Variants in TNMD observed in about 807,000 individuals in gnomAD.
TNMD encodes BRICHOS domain containing 4.
TNMD carries 15 observed loss-of-function variants against 26.9 expected under a neutral mutation model. The observed-to-expected ratio is 0.56, with a 90% CI of 0.37 to 0.86. The LOEUF (loss-of-function observed/expected upper bound fraction) is 0.86. Ranked by LOEUF, TNMD falls within the 40% of genes least tolerant of loss-of-function variation. The pLI is 0.00. For missense variants in TNMD, 222 were observed against 242.6 expected (o/e 0.92, Z 0.56); for synonymous variants, 73 against 77.0 (o/e 0.95, Z 0.27).
rs770033532 is a variant in TNMD at position 100,593,326 on chromosome X, C to T, written c.181-569C>T. On this transcript the variant is annotated intron_variant, in intron 2 of 6. Coordinates refer to ENST00000373031, the MANE Select transcript of TNMD (RefSeq NM_022144.3). ...GAATAAACTGGGTGGGGTTGGTTGC[C>T]GTATAAAGAGAAGGCTAAGGGAAGG... The T allele has an allele frequency of 3.6e-5, 27 of 750,435 alleles. No individual in the cohort carries two copies. The African/African-American group carries it at 4.4e-4, about 12-fold the overall frequency. The allele number at this position is 750,435 out of a possible 1,213,427, so 61.8% of individuals were successfully genotyped here. A position where few individuals can be genotyped will look rare whatever the true frequency, so the allele number is the denominator to read the frequency against.
intron 4 of TNMD, among the ~76,000 whole-genome samples, chrX:100,594,954 C>T (rs1021800487): frequency 8.9e-6 from 1 of 111,933 alleles, no homozygotes; most frequent in African/African-American, 3.2e-5. Context: ...TGAAAACACC[C>T]TGCTAGACCA....
chrX:100,596,613 G>A (rs2082953697), intron 4 of TNMD, among the ~76,000 whole-genome samples: 2 of 110,754 alleles, frequency 1.8e-5, no homozygotes, highest in African/African-American at 3.3e-5. Flanking sequence ...ATGCAGAGCA[G>A]GTATATAAAT....
chrX:100,589,106 A>T (rs184125596), intron 2 of TNMD, among the ~76,000 whole-genome samples: 2 of 111,183 alleles, frequency 1.8e-5, no homozygotes, highest in African/African-American at 6.5e-5. Context: ...TGATTGCAAC[A>T]TTTTGTGCGT....
chrX:100,592,174 C>A (rs763510604), intron 2 of TNMD, among the ~76,000 whole-genome samples: 2 of 111,810 alleles, frequency 1.8e-5, no homozygotes, highest in East Asian at 2.8e-4. Context: ...CAAAATTCCC[C>A]CGTTGGGAGA....
intron 2 of TNMD, chrX:100,593,554 T>A: frequency 4.9e-6 from 1 of 204,529 alleles, no homozygotes; most frequent in Non-Finnish European, 7.4e-6. Context: ...TAAGCCCTAA[T>A]GAATTTCACG....
chrX:100,593,698 G>A (rs1314234657), intron 2 of TNMD, 197 bp from the exon 3 acceptor site: 4 of 384,765 alleles, frequency 1.0e-5, no homozygotes, highest in Non-Finnish European at 1.7e-5. Flanking sequence ...TTATAGGCTG[G>A]TTTGCAAACT....
intron 2 of TNMD, chrX:100,593,214 C>T (rs1174841964): frequency 6.0e-6 from 2 of 334,340 alleles, no homozygotes; most frequent in African/African-American, 2.9e-5. Context: ...ATGCAGGACA[C>T]TTGGCTCAGT....
At position 100,595,423 on chromosome X, in the gene TNMD, G is replaced by A. The variant is rs530952195; in HGVS notation, c.423+1061G>A. Among the ~76,000 whole-genome samples, 10 of 107,819 alleles carry A rather than the reference G, an allele frequency of 9.3e-5. No individual in the cohort carries two copies. The South Asian group carries it at 4.2e-3, about 45-fold the overall frequency. 93.6% of individuals were successfully genotyped at this position (107,819 alleles called of 115,157 possible). A position where few individuals can be genotyped will look rare whatever the true frequency, so the allele number is the denominator to read the frequency against. ...AGCCACCGCGCCCAGCCATGGCAGAGTGATCTTTCTATAAACTATAAAAAC... is the reference window on the plus strand; with the variant it reads ...AGCCACCGCGCCCAGCCATGGCAGAATGATCTTTCTATAAACTATAAAAAC... On this transcript the variant is annotated intron_variant, in intron 4 of 6. Coordinates refer to ENST00000373031, the MANE Select transcript of TNMD (RefSeq NM_022144.3).
rs777376699 is a variant in TNMD, at chrX:100,599,572, G to A, written c.809G>A (p.Arg270His). 7.4e-6 allele frequency: 9 copies of A among 1,210,259 alleles called. No homozygotes were observed. Among genetic ancestry groups the A allele is most frequent in the East Asian group, 5.9e-5 (2 of 33,792 alleles). Reference protein sequence around the residue: ...DERGYCCIYCRRGNRYCRRVC... With the variant: ...DERGYCCIYCHRGNRYCRRVC... The stretch of plus-strand genomic sequence containing the variant: ...AGAGGTTATTGTTGTATTTACTGCC[G>A]TCGAGGCAACCGCTATTGCCGCCGC... Residue 270 changes from arginine (R) to histidine (H), a missense_variant, in exon 7 of 7, where the codon CGT becomes CAT. Arg to His is a conservative substitution (Grantham distance 29, BLOSUM62 0). Transcript: ENST00000373031.
rs866782958 is a variant in TNMD, at chrX:100,599,085, T to C, written c.647T>C (p.Ile216Thr). Residue 216 changes from isoleucine to threonine, a missense_variant, in exon 6 of 7, where the codon ATT becomes ACT. Ile to Thr is a moderately conservative substitution (Grantham distance 89). Transcript: ENST00000373031. ...LHFPANEKKGIEQNEQWVVPQ... is the reference protein window; with the variant it reads ...LHFPANEKKGTEQNEQWVVPQ... The stretch of plus-strand genomic sequence containing the variant: ...TTTCCTGCCAACGAAAAAAAAGGGA[T>C]TGAACAAAATGAACAGTGGGTGGTC... 7 of 1,203,807 alleles carry C rather than the reference T, an allele frequency of 5.8e-6. No individual in the cohort carries two copies. In the African/African-American group the frequency reaches 1.1e-4, roughly 18 times the overall value.
intron 2 of TNMD, among the ~76,000 whole-genome samples, chrX:100,588,831 C>T (rs1472943483): frequency 4.5e-5 from 5 of 111,520 alleles, no homozygotes; most frequent in Non-Finnish European, 9.4e-5. Context: ...GTCCTTACTG[C>T]CTTACATAGG....
At position 100,593,931 on chromosome X, in the gene TNMD, GAGA is replaced by G. The variant is rs775126660; in HGVS notation, c.227_229del (p.Lys76del). On this transcript the variant is annotated inframe_deletion, in exon 3 of 7. Coordinates refer to ENST00000373031, the MANE Select transcript of TNMD (RefSeq NM_022144.3). ...GGAGCACACTTTCTACAGCAATGGA[GAGA>G]AGAAGAAGATTTACATGGAAATTGA... The G allele has an allele frequency of 2.2e-5, 27 of 1,208,074 alleles. No individual in the cohort carries two copies. In the Middle Eastern group the frequency reaches 1.4e-3, roughly 61 times the overall value.
In TNMD at chrX:100,594,031, A is replaced by G. The variant is rs774899523; in HGVS notation, c.317A>G (p.Lys106Arg). Reference sequence around the variant, plus strand: ...GAAACATTGGAAGTGCACGACTTTAAAAACGTAAGTTGGATGTTTTCCTCC... The same window carrying G: ...GAAACATTGGAAGTGCACGACTTTAGAAACGTAAGTTGGATGTTTTCCTCC... Reference protein sequence around the residue: ...TDETLEVHDFKNGYTGIYFVG... With the variant: ...TDETLEVHDFRNGYTGIYFVG... Residue 106 changes from lysine to arginine, a missense_variant, in exon 3 of 7, where the codon AAA (lysine) becomes AGA (arginine). Physicochemically the swap from Lys to Arg is conservative, Grantham distance 26. Coordinates refer to ENST00000373031, the MANE Select transcript of TNMD (RefSeq NM_022144.3). The G allele has an allele frequency of 4.1e-6, 5 of 1,209,164 alleles. No individual in the cohort carries two copies. Among genetic ancestry groups the G allele is most frequent in the Non-Finnish European group, 5.6e-6 (5 of 894,088 alleles).
chrX:100,593,590 G>T, intron 2 of TNMD: 2 of 185,708 alleles, frequency 1.1e-5, no homozygotes, highest in South Asian at 2.5e-4. Flanking sequence ...AGTAAGGGGG[G>T]GGTCGTGATT....
chrX:100,596,023 G>GAA (rs2082951819), intron 4 of TNMD, among the ~76,000 whole-genome samples: 1 of 112,350 alleles, frequency 8.9e-6, no homozygotes, highest in Non-Finnish European at 1.9e-5. Context: ...TTATTTTTTT[G>GAA]AAAGATTAAG....
intron 1 of TNMD, 54 bp from the exon 2 acceptor site, chrX:100,585,177 C>CT (rs1206851556): frequency 5.1e-6 from 6 of 1,186,754 alleles, no homozygotes; most frequent in African/African-American, 1.8e-5. Context: ...TGAATTATGG[C>CT]TTGCTTATTG....
chrX:100,595,682 C>T (rs915118342), intron 4 of TNMD, among the ~76,000 whole-genome samples: 7 of 110,202 alleles, frequency 6.4e-5, no homozygotes, highest in African/African-American at 2.0e-4. Flanking sequence ...CTGGTCTCCT[C>T]GGGGCCAGAG....
chrX:100,586,052 A>G (rs1381951013), intron 2 of TNMD, among the ~76,000 whole-genome samples: 3 of 112,129 alleles, frequency 2.7e-5, no homozygotes, highest in East Asian at 5.6e-4. Flanking sequence ...TGTAGTTTAT[A>G]TTTCTGTACC....
At chrX:100,595,878 A>T (rs2082951498) in intron 4 of TNMD, among the ~76,000 whole-genome samples, 1 of 112,236 alleles carries the variant, frequency 8.9e-6, no homozygotes, top group Non-Finnish European at 1.9e-5. Flanking sequence ...TAGAAGGCAA[A>T]GGTAAGATAA....
Sources: gnomAD v4.1 joint callset for allele counts (sites outside exome capture counted in the v4.1 genomes callset) on GRCh38, gnomAD v4.1.1 for gene constraint, MANE v1.5 for transcripts, NCBI Gene and HGNC (gene_info 2026-07-23, HGNC 2026-07-21) for gene names.